MME: variants seen among roughly 807,000 people sequenced by gnomAD.
MME encodes neprilysin.
In MME, 98 loss-of-function variants were observed where a neutral mutation model predicts 113.2. The observed-to-expected ratio is 0.87, with a 90% CI of 0.74 to 1.02. The LOEUF (loss-of-function observed/expected upper bound fraction) is 1.02. Ranked by LOEUF, MME falls within the 50% of genes least tolerant of loss-of-function variation. The probability of loss-of-function intolerance (pLI) is 0.00; values close to 1 mark genes in which losing one functional copy is unlikely to be tolerated. For missense variants in MME, 836 were observed against 896.0 expected (o/e 0.93, Z 0.86); for synonymous variants, 292 against 300.6 (o/e 0.97, Z 0.30).
At chr3:155,178,513 A>G (rs1053653919) in intron 22 of MME, among the ~76,000 whole-genome samples, 3 of 152,036 alleles carry the variant, frequency 2.0e-5, no homozygotes, top group Non-Finnish European at 4.4e-5. Flanking sequence ...ACAGGTAATC[A>G]CTGTGACCAA....
At chr3:155,168,704 A>G (rs773699922) in intron 19 of MME, 28 bp from the exon 20 acceptor site, 2 of 1,612,182 alleles carry the variant, frequency 1.2e-6, no homozygotes, top group African/African-American at 2.7e-5. Flanking sequence ...TTTTTTTAAC[A>G]ATCCTAATAA....
intron 1 of MME, among the ~76,000 whole-genome samples, chr3:155,082,938 C>T (rs1050279065): frequency 2.0e-5 from 3 of 152,070 alleles, no homozygotes; most frequent in Admixed American, 6.5e-5. Flanking sequence ...ATTTCTGAGC[C>T]GCCACTTCAT....
intron 3 of MME, among the ~76,000 whole-genome samples, chr3:155,108,311 C>T (rs1451565683): frequency 1.3e-5 from 2 of 152,066 alleles, no homozygotes; most frequent in Non-Finnish European, 2.9e-5. Context: ...AAAAATTAAA[C>T]TGGGCCGGGT....
chr3:155,031,307 C>G (rs532672944), intron 1 of MME, among the ~76,000 whole-genome samples: 61 of 152,168 alleles, frequency 4.0e-4, no homozygotes, highest in African/African-American at 1.4e-3. Context: ...CATTTTCATT[C>G]TGTAGCAACT....
chr3:155,160,648 G>A (rs976936543), intron 17 of MME, among the ~76,000 whole-genome samples, 200 bp downstream of exon 17: 4 of 151,926 alleles, frequency 2.6e-5, no homozygotes, highest in Non-Finnish European at 5.9e-5. Flanking sequence ...TACAAATCAC[G>A]TTAAGTAGTT....
intron 1 of MME, among the ~76,000 whole-genome samples, chr3:155,033,136 T>C (rs1713026972): frequency 1.3e-5 from 2 of 152,226 alleles, no homozygotes; most frequent in South Asian, 4.1e-4. Context: ...TTTAGTCATT[T>C]ACAGAACAAG....
chr3:155,136,999 C>G (rs750465597), intron 8 of MME, among the ~76,000 whole-genome samples: 2 of 152,094 alleles, frequency 1.3e-5, no homozygotes, highest in African/African-American at 2.4e-5. Flanking sequence ...GCAATTGGTT[C>G]AAACCTAACA....
intron 8 of MME, among the ~76,000 whole-genome samples, chr3:155,128,091 G>C (rs1719833166): frequency 2.0e-5 from 3 of 152,206 alleles, no homozygotes; most frequent in African/African-American, 7.2e-5. Context: ...TCTTAAGGTA[G>C]TGCTTCAAGC....
rs143572372 is a variant in MME at position 155,118,016 on chromosome 3, T to C, written c.655-730T>C. Among the ~76,000 whole-genome samples, 202 of 152,296 alleles carry C rather than the reference T, an allele frequency of 1.3e-3. 1 individual carries two copies. Among genetic ancestry groups the C allele is most frequent in the African/African-American group, 4.7e-3 (196 of 41,576 alleles). ...CTTGCAAAGCTGCAGTATGCCCAGA[T>C]AGCTCCCACTTGGGTATTAAACATG... On this transcript the variant is annotated intron_variant, in intron 7 of 22. Coordinates refer to ENST00000360490, the MANE Select transcript of MME (RefSeq NM_007289.4).
intron 1 of MME, among the ~76,000 whole-genome samples, chr3:155,052,989 G>A (rs1713810440): frequency 6.6e-6 from 1 of 152,156 alleles, no homozygotes; most frequent in Non-Finnish European, 1.5e-5. Flanking sequence ...AATGCCACTA[G>A]TCTCTTTGCA....
At chr3:155,040,151 G>A (rs1359018927) in intron 1 of MME, among the ~76,000 whole-genome samples, 1 of 152,204 alleles carries the variant, frequency 6.6e-6, no homozygotes, top group Admixed American at 6.5e-5. Flanking sequence ...GTTGTGGAAA[G>A]GAGAGGTTGA....
chr3:155,139,435 A>G (rs1054141156), intron 9 of MME, among the ~76,000 whole-genome samples: 2 of 152,228 alleles, frequency 1.3e-5, no homozygotes, highest in African/African-American at 2.4e-5. Context: ...CAGTAAATGA[A>G]TAGGTAAGTG....
At chr3:155,048,579 A>C (rs1291927802) in intron 1 of MME, among the ~76,000 whole-genome samples, 2 of 152,108 alleles carry the variant, frequency 1.3e-5, no homozygotes, top group Non-Finnish European at 2.9e-5. Flanking sequence ...ACTTTGTGTC[A>C]CTGTAAAATT....
chr3:155,066,509 A>C (rs1714384217), intron 1 of MME, among the ~76,000 whole-genome samples: 1 of 152,174 alleles, frequency 6.6e-6, no homozygotes, highest in Non-Finnish European at 1.5e-5. Flanking sequence ...TCGTCGTTTG[A>C]AAGTAATTGA....
At chr3:155,130,378 A>G (rs951885596) in intron 8 of MME, among the ~76,000 whole-genome samples, 6 of 152,190 alleles carry the variant, frequency 3.9e-5, no homozygotes, top group Admixed American at 1.3e-4. Context: ...AAAACCACTC[A>G]GGCTAGAGTT....
intron 1 of MME, among the ~76,000 whole-genome samples, chr3:155,041,426 C>T (rs990408145): frequency 2.0e-5 from 3 of 151,888 alleles, no homozygotes; most frequent in East Asian, 1.9e-4. Flanking sequence ...GTGTTATTAC[C>T]GTAATAAACT....
At chr3:155,032,140 T>A (rs559898174) in intron 1 of MME, among the ~76,000 whole-genome samples, 1 of 152,316 alleles carries the variant, frequency 6.6e-6, no homozygotes, top group Admixed American at 6.5e-5. Flanking sequence ...TAAAGATAGA[T>A]CTCTCCTTTA....
rs549049690 is a variant in MME, at chr3:155,025,766, C to A, written c.-11+1442C>A. Among the ~76,000 whole-genome samples, 176 of 136,520 alleles carry A rather than the reference C, an allele frequency of 1.3e-3. 1 individual carries two copies. The highest frequency in any genetic ancestry group is 4.3e-4 in the Non-Finnish European group (28 of 64,776). 89.6% of individuals were successfully genotyped at this position (136,520 alleles called of 152,430 possible). On this transcript the variant is annotated intron_variant, in intron 1 of 22. Coordinates refer to the MME transcript ENST00000492661. ...GGAGTGCAATGGCACGATCTCGGCT[C>A]ACTGCAACCTCTGCCTCTTGGATTC...
At chr3:155,067,422 T>C (rs1714418012) in intron 1 of MME, among the ~76,000 whole-genome samples, 1 of 147,484 alleles carries the variant, frequency 6.8e-6, no homozygotes, top group Non-Finnish European at 1.5e-5. Context: ...ACGATTCTCC[T>C]GCCTCAGCCT....
Sources: gnomAD v4.1 joint callset for allele counts (sites outside exome capture counted in the v4.1 genomes callset) on GRCh38, gnomAD v4.1.1 for gene constraint, MANE v1.5 for transcripts, NCBI Gene and HGNC (gene_info 2026-07-23, HGNC 2026-07-21) for gene names.